HSPBAP1: variants seen among roughly 807,000 people sequenced by gnomAD.
HSPBAP1 encodes HSPB1 associated protein 1, also known as HSPB1-associated protein 1.
A neutral mutation model predicts 45.2 loss-of-function variants in HSPBAP1; 27 were observed. The ratio of observed to expected loss-of-function variants is 0.60; its 90% confidence interval spans 0.44 to 0.82. The LOEUF is 0.82. Among genes scored for constraint, HSPBAP1 ranks in the 40% least tolerant of loss-of-function variants. The pLI, the probability that HSPBAP1 is intolerant of heterozygous loss-of-function variation, is 0.00. For missense variants in HSPBAP1, 510 were observed against 590.9 expected (o/e 0.86, Z 1.42); for synonymous variants, 204 against 202.7 (o/e 1.01, Z -0.06).
At chr3:122,779,562 T>C (rs2107533445) in intron 1 of HSPBAP1, among the ~76,000 whole-genome samples, 1 of 151,638 alleles carries the variant, frequency 6.6e-6, no homozygotes, top group East Asian at 1.9e-4. Flanking sequence ...CAGAGGGGGA[T>C]CTGGCAGGGT....
At chr3:122,762,330 C>T (rs1934622701) in intron 3 of HSPBAP1, among the ~76,000 whole-genome samples, 2 of 151,268 alleles carry the variant, frequency 1.3e-5, no homozygotes, top group South Asian at 4.2e-4. Flanking sequence ...TTGCTCTTCT[C>T]TCAATTTCCT....
rs552574962 is a variant in HSPBAP1, at chr3:122,761,621, T to TG, written c.433-2262_433-2261insC. On this transcript the variant is annotated intron_variant, in intron 3 of 7. Coordinates refer to ENST00000306103, the MANE Select transcript of HSPBAP1 (RefSeq NM_024610.6). ...GCTCTGTCTCTACAAAAAGGTTTTT[T>TG]TTTTTTTTTTAACAAATTGGCTGGG... The TG allele has an allele frequency of 1.3e-4, 19 of 150,584 alleles. No homozygotes were observed. The East Asian group carries it at 2.9e-3, about 23-fold the overall frequency. 9.3% of individuals were successfully genotyped at this position (150,584 alleles called of 1,614,324 possible).
chr3:122,790,257 C>T (rs1935783507), intron 1 of HSPBAP1, among the ~76,000 whole-genome samples: 1 of 152,120 alleles, frequency 6.6e-6, no homozygotes, highest in African/African-American at 2.4e-5. Context: ...CCCATGATTT[C>T]CCTCTTCGTC....
chr3:122,773,435 A>G (rs1935081124), intron 2 of HSPBAP1, among the ~76,000 whole-genome samples: 1 of 150,922 alleles, frequency 6.6e-6, no homozygotes, highest in South Asian at 2.1e-4. Flanking sequence ...TCACCTCCCA[A>G]ATAGCTGAGA....
chr3:122,760,447 T>C (rs953439672), intron 3 of HSPBAP1, among the ~76,000 whole-genome samples: 2 of 152,118 alleles, frequency 1.3e-5, no homozygotes, highest in Non-Finnish European at 2.9e-5. Flanking sequence ...GTCTAAATTT[T>C]CTATTTTTAG....
At chr3:122,746,925 G>A (rs1424498481) in intron 6 of HSPBAP1, among the ~76,000 whole-genome samples, 9 of 151,992 alleles carry the variant, frequency 5.9e-5, no homozygotes, top group Admixed American at 5.2e-4. Flanking sequence ...GAGGTGCTGG[G>A]ATTGCAGACG....
intron 4 of HSPBAP1, among the ~76,000 whole-genome samples, chr3:122,758,555 T>C (rs1934439035): frequency 6.6e-6 from 1 of 152,206 alleles, no homozygotes; most frequent in African/African-American, 2.4e-5. Flanking sequence ...TTATTTAGAT[T>C]TGAAGAAAGG....
At chr3:122,763,035 G>GT (rs1230904292) in intron 3 of HSPBAP1, among the ~76,000 whole-genome samples, 1 of 152,152 alleles carries the variant, frequency 6.6e-6, no homozygotes, top group East Asian at 1.9e-4. Context: ...TTTTGAAACT[G>GT]TTATTGGGTT....
chr3:122,782,766 C>T (rs1935529687), intron 1 of HSPBAP1, among the ~76,000 whole-genome samples: 1 of 152,026 alleles, frequency 6.6e-6, no homozygotes, highest in African/African-American at 2.4e-5. Context: ...TTAAATAATC[C>T]AAATTCTTCT....
At chr3:122,783,886 A>G (rs932274764) in intron 1 of HSPBAP1, among the ~76,000 whole-genome samples, 4 of 150,914 alleles carry the variant, frequency 2.7e-5, no homozygotes, top group Non-Finnish European at 5.9e-5. Flanking sequence ...GCTGGAGTGC[A>G]GTGGCGGGAT....
At chr3:122,764,938 C>A (rs1178319327) in intron 3 of HSPBAP1, among the ~76,000 whole-genome samples, 1 of 152,110 alleles carries the variant, frequency 6.6e-6, no homozygotes, top group Non-Finnish European at 1.5e-5. Flanking sequence ...GTTAAGTCAC[C>A]AGGACACAGA....
intron 2 of HSPBAP1, among the ~76,000 whole-genome samples, chr3:122,773,664 G>A (rs1935089564): frequency 6.6e-6 from 1 of 151,984 alleles, no homozygotes; most frequent in African/African-American, 2.4e-5. Context: ...ACGTAACAGG[G>A]CCTCATTCTG....
Position 122,768,869 on chromosome 3 carries a change from T to C in HSPBAP1, c.264A>G (p.Glu88=). ...TAGCTTCTACGTAATTACATGTAGT[T>C]TCAAACTGAGGAACTGCAATGTAAG... is the stretch of plus-strand genomic sequence containing the variant. ...MKSMSTVPQF[E]TTCNYVEATL... is the part of the protein sequence containing the mutation. Residue 88 remains glutamate (E), a synonymous_variant, in exon 3 of 8, where the codon GAA becomes GAG. Coordinates refer to ENST00000306103, the MANE Select transcript of HSPBAP1 (RefSeq NM_024610.6). The C allele has an allele frequency of 1.2e-6, 2 of 1,607,874 alleles. No individual in the cohort carries two copies. The highest frequency in any genetic ancestry group is 1.1e-5 in the South Asian group (1 of 90,790).
chr3:122,780,699 A>G (rs1470113105), intron 1 of HSPBAP1, among the ~76,000 whole-genome samples: 9 of 141,694 alleles, frequency 6.4e-5, no homozygotes, highest in East Asian at 2.2e-4. Context: ...CCGGGCGGAG[A>G]GGCTCCTCAC....
chr3:122,769,323 C>T (rs890830351), intron 2 of HSPBAP1, among the ~76,000 whole-genome samples: 1 of 152,082 alleles, frequency 6.6e-6, no homozygotes, highest in Admixed American at 6.5e-5. Context: ...AGGCACCATA[C>T]AGTTAAATGC....
In HSPBAP1 at chr3:122,750,538, T is replaced by TCTATCTAA. The variant is rs1310908780; in HGVS notation, c.825+2052_825+2053insTTAGATAG. 4.3e-4 allele frequency among the ~76,000 whole-genome samples: 65 copies of TCTATCTAA among 151,958 alleles called. 1 individual carries two copies. Among genetic ancestry groups the TCTATCTAA allele is most frequent in the Admixed American group, 4.2e-3 (64 of 15,256 alleles). On this transcript the variant is annotated intron_variant, in intron 6 of 7. Coordinates refer to ENST00000306103, the MANE Select transcript of HSPBAP1 (RefSeq NM_024610.6). ...CAATATCTATCTATCTATCTATCTA[T>TCTATCTAA]CTATCTATCTATCTAATCTATCTAT...
At chr3:122,766,900 T>G (rs1934800881) in intron 3 of HSPBAP1, among the ~76,000 whole-genome samples, 1 of 152,130 alleles carries the variant, frequency 6.6e-6, no homozygotes. Context: ...TTAGAAAAAT[T>G]CCCCCAAAAA....
chr3:122,750,491 T>C (rs1013707493), intron 6 of HSPBAP1, among the ~76,000 whole-genome samples: 1 of 150,626 alleles, frequency 6.6e-6, no homozygotes, highest in Non-Finnish European at 1.5e-5. Flanking sequence ...TTTAAACACA[T>C]GAATTAGAAA....
chr3:122,761,909 A>G (rs1446107602), intron 3 of HSPBAP1: 1 of 152,128 alleles, frequency 6.6e-6, no homozygotes, highest in Non-Finnish European at 1.5e-5. Context: ...TCTGAAGTCA[A>G]TGTGGGCCCA....
Sources: gnomAD v4.1 joint callset for allele counts (sites outside exome capture counted in the v4.1 genomes callset) on GRCh38, gnomAD v4.1.1 for gene constraint, MANE v1.5 for transcripts, NCBI Gene and HGNC (gene_info 2026-07-23, HGNC 2026-07-21) for gene names.